TMTC2: variants seen among roughly 807,000 people sequenced by gnomAD.
TMTC2 encodes the protein transmembrane O-mannosyltransferase targeting cadherins 2, also known as protein O-mannosyl-transferase TMTC2.
In TMTC2, 43 loss-of-function variants were observed where a neutral mutation model predicts 82.4. The observed-to-expected ratio is 0.52, with a 90% CI of 0.41 to 0.67. The LOEUF is 0.67. TMTC2 is among the 30% of genes least tolerant of loss of function. The pLI, the probability that TMTC2 is intolerant of heterozygous loss-of-function variation, is 0.00. For synonymous variants in TMTC2, 408 were observed against 381.9 expected (o/e 1.07, Z -0.80); for missense variants, 919 against 1,012.4 (o/e 0.91, Z 1.25).
intron 11 of TMTC2, among the ~76,000 whole-genome samples, chr12:83,115,059 C>G (rs751790127): frequency 2.0e-5 from 3 of 151,968 alleles, no homozygotes; most frequent in Admixed American, 6.6e-5. Flanking sequence ...ATTTTAACAA[C>G]AACATGATTA....
At chr12:82,712,011 C>T (rs758922315) in intron 1 of TMTC2, among the ~76,000 whole-genome samples, 1 of 152,064 alleles carries the variant, frequency 6.6e-6, no homozygotes, top group Non-Finnish European at 1.5e-5. Context: ...TTCCCTTTTC[C>T]CTCCTCCTTT....
At chr12:83,130,254 G>A (rs1408843105) in intron 11 of TMTC2, among the ~76,000 whole-genome samples, 2 of 152,122 alleles carry the variant, frequency 1.3e-5, no homozygotes, top group Non-Finnish European at 2.9e-5. Flanking sequence ...CACTGTGAGG[G>A]GACATAATTC....
chr12:83,035,916 A>G (rs77186921), intron 9 of TMTC2, among the ~76,000 whole-genome samples: 16 of 152,328 alleles, frequency 1.1e-4, no homozygotes, highest in African/African-American at 3.8e-4. Context: ...GTTATGAGGT[A>G]CCTACTGTAT....
chr12:83,026,708 G>A (rs1256350955), intron 8 of TMTC2, among the ~76,000 whole-genome samples: 2 of 65,662 alleles, frequency 3.0e-5, no homozygotes, highest in South Asian at 8.8e-4. Flanking sequence ...TTGAAGGAGT[G>A]TGTGTGTGTG....
intron 1 of TMTC2, among the ~76,000 whole-genome samples, chr12:82,702,003 G>C (rs1268446610): frequency 6.6e-6 from 1 of 152,092 alleles, no homozygotes; most frequent in Non-Finnish European, 1.5e-5. Context: ...TCTCTTTAAA[G>C]TCAATGTGTT....
intron 1 of TMTC2, among the ~76,000 whole-genome samples, chr12:82,808,197 A>G (rs911064037): frequency 6.6e-6 from 1 of 152,018 alleles, no homozygotes; most frequent in Non-Finnish European, 1.5e-5. Context: ...ATTACCTCAC[A>G]GTAAAAATTA....
chr12:82,687,357 AGT>A lies in TMTC2; in HGVS notation c.-226_-225del. 1 of 562,006 alleles carries A rather than the reference AGT, an allele frequency of 1.8e-6. No homozygotes were observed. The highest frequency in any genetic ancestry group is 3.2e-6 in the Non-Finnish European group (1 of 314,934). The allele number at this position is 562,006 out of a possible 1,614,324, so 34.8% of individuals were successfully genotyped here. On this transcript the variant is annotated 5_prime_UTR_variant, in exon 1 of 12. It removes the in-frame stop codon of an upstream open reading frame in the 5' UTR. Transcript: ENST00000321196. ...CCGCTTGCGGGCGCCGGGCATGGGG[AGT>A]GTGGTGTGAGCCCGCACCCGGGGAG...
At chr12:82,857,623 C>CTACT (rs747749108) in intron 2 of TMTC2, 43 bp downstream of exon 2, 1 of 1,520,648 alleles carries the variant, frequency 6.6e-7, no homozygotes, top group Admixed American at 2.1e-5. Flanking sequence ...ACTGAGTAAT[C>CTACT]TACTTGCTTA....
At position 82,997,206 on chromosome 12, in the gene TMTC2, C is replaced by CCT. The variant is rs202229293; in HGVS notation, c.2070+11175_2070+11176dup. ...CCCTCCCCCTCTCCCTCCCCCTCTC[C>CCT]CTCTCTCTCTCTCTCTATATATATA... On this transcript the variant is annotated intron_variant, in intron 8 of 11. Transcript: ENST00000321196. Among the ~76,000 whole-genome samples, 515 of 117,848 alleles carry CCT rather than the reference C, an allele frequency of 4.4e-3. 3 individuals carry two copies. The highest frequency in any genetic ancestry group is 5.3e-3 in the Non-Finnish European group (316 of 59,932). The allele number at this position is 117,848 out of a possible 152,430, so 77.3% of individuals were successfully genotyped here.
chr12:83,107,356 G>T (rs1261145183), intron 11 of TMTC2, among the ~76,000 whole-genome samples: 1 of 152,150 alleles, frequency 6.6e-6, no homozygotes, highest in Non-Finnish European at 1.5e-5. Flanking sequence ...GAAGTCCAAG[G>T]GCATGGTGCT....
chr12:83,065,335 A>G (rs1882879788), intron 11 of TMTC2, among the ~76,000 whole-genome samples: 1 of 151,898 alleles, frequency 6.6e-6, no homozygotes, highest in Non-Finnish European at 1.5e-5. Context: ...TTTATATATG[A>G]AGAATTCCAG....
intron 11 of TMTC2, among the ~76,000 whole-genome samples, chr12:83,121,178 G>C (rs1023205527): frequency 2.6e-5 from 4 of 152,090 alleles, no homozygotes; most frequent in Admixed American, 2.6e-4. Flanking sequence ...TCTTGGTTTG[G>C]ATCCATTGCT....
intron 11 of TMTC2, among the ~76,000 whole-genome samples, chr12:83,098,480 C>T (rs547249711): frequency 6.6e-6 from 1 of 152,222 alleles, no homozygotes; most frequent in Non-Finnish European, 1.5e-5. Flanking sequence ...CTCTTTGCCT[C>T]AAGTCTCCAG....
chr12:82,688,021 G>T (rs1163918441), intron 1 of TMTC2, among the ~76,000 whole-genome samples: 1 of 152,190 alleles, frequency 6.6e-6, no homozygotes, highest in East Asian at 1.9e-4. Flanking sequence ...CACATTAAGT[G>T]ATTTTACGTC....
At chr12:82,786,260 A>G (rs775285209) in intron 1 of TMTC2, among the ~76,000 whole-genome samples, 2 of 152,114 alleles carry the variant, frequency 1.3e-5, no homozygotes, top group Non-Finnish European at 2.9e-5. Flanking sequence ...AAGGAATTAT[A>G]GTCTAGTTGA....
chr12:82,722,798 A>G (rs1379162189), intron 1 of TMTC2, among the ~76,000 whole-genome samples: 3 of 152,162 alleles, frequency 2.0e-5, no homozygotes, highest in African/African-American at 7.2e-5. Flanking sequence ...CTGCTGCCTC[A>G]AGAATATCTG....
At position 82,687,502 on chromosome 12, in the gene TMTC2, G is replaced by A. The variant is rs1872372743; in HGVS notation, c.-85G>A. ...AGTGAAGCTGGGAGGAGAAGGCGGC[G>A]GAAGGTGGAGATTGATGCTTCTGTT... On this transcript the variant is annotated 5_prime_UTR_variant, in exon 1 of 12. Transcript: ENST00000321196. The A allele has an allele frequency of 1.5e-6, 2 of 1,320,014 alleles. No individual in the cohort carries two copies. Among genetic ancestry groups the A allele is most frequent in the East Asian group, 2.5e-5 (1 of 40,588 alleles). 81.8% of individuals were successfully genotyped at this position (1,320,014 alleles called of 1,614,324 possible).
chr12:82,808,818 A>G (rs1006402018), intron 1 of TMTC2, among the ~76,000 whole-genome samples: 5 of 152,000 alleles, frequency 3.3e-5, no homozygotes, highest in Non-Finnish European at 5.9e-5. Flanking sequence ...TTTCTATTCT[A>G]ACATTTTAAT....
chr12:83,030,748 G>C (rs745588681), intron 8 of TMTC2, 50 bp from the exon 9 acceptor site: 1 of 1,408,168 alleles, frequency 7.1e-7, no homozygotes, highest in East Asian at 2.3e-5. Flanking sequence ...AGGCAGTGAA[G>C]AATCCCTCAT....
Sources: allele counts gnomAD v4.1 joint callset (sites outside exome capture counted in the v4.1 genomes callset), GRCh38; gene constraint gnomAD v4.1.1; transcripts MANE v1.5; gene names NCBI Gene and HGNC (gene_info 2026-07-23, HGNC 2026-07-21).